Variants in CNBD1 observed in about 807,000 individuals in gnomAD.
The protein encoded by CNBD1 is cyclic nucleotide-binding domain-containing protein 1.
In CNBD1, 71 loss-of-function variants were observed where a neutral mutation model predicts 54.4. The ratio of observed to expected loss-of-function variants is 1.30; its 90% CI spans 1.08 to 1.59. CNBD1 has a LOEUF of 1.59. CNBD1 is among the 40% of genes most tolerant of loss of function. The pLI, the probability that CNBD1 is intolerant of heterozygous loss-of-function variation, is 0.00. For missense variants in CNBD1, 659 were observed against 518.0 expected (o/e 1.27, Z -2.64); for synonymous variants, 182 against 170.7 (o/e 1.07, Z -0.51).
chr8:87,347,433 C>A (rs1586034590), intron 8 of CNBD1, among the ~76,000 whole-genome samples: 2 of 152,140 alleles, frequency 1.3e-5, no homozygotes, highest in East Asian at 3.9e-4. Flanking sequence ...ATGGAGCTTG[C>A]ATCCTAATGG....
chr8:86,981,157 G>T (rs1007531179), intron 4 of CNBD1, among the ~76,000 whole-genome samples: 4 of 152,040 alleles, frequency 2.6e-5, no homozygotes, highest in Non-Finnish European at 5.9e-5. Flanking sequence ...ATTATTCTTT[G>T]TGTGTGTGTG....
chr8:87,090,773 ATAT>A (rs1234429454), intron 4 of CNBD1, among the ~76,000 whole-genome samples: 3 of 152,220 alleles, frequency 2.0e-5, no homozygotes, highest in African/African-American at 7.2e-5. Context: ...AAACATTGTA[ATAT>A]TATCACAATT....
chr8:86,925,942 C>T (rs1011222352), intron 3 of CNBD1, among the ~76,000 whole-genome samples: 5 of 152,090 alleles, frequency 3.3e-5, no homozygotes, highest in African/African-American at 1.2e-4. Flanking sequence ...AAGGACAAAG[C>T]TTCCACAGGG....
intron 2 of CNBD1, among the ~76,000 whole-genome samples, chr8:87,421,404 C>T (rs1177004426): frequency 7.4e-4 from 109 of 147,404 alleles, no homozygotes; most frequent in African/African-American, 2.5e-3. Context: ...AGGTATATCT[C>T]CCAATGCTCT....
intron 5 of CNBD1, among the ~76,000 whole-genome samples, chr8:87,234,235 G>A (rs1406489453): frequency 6.6e-6 from 1 of 152,082 alleles, no homozygotes; most frequent in Non-Finnish European, 1.5e-5. Flanking sequence ...CCAAACTCCT[G>A]TTAGTGTTGA....
intron 4 of CNBD1, among the ~76,000 whole-genome samples, chr8:87,010,731 C>T (rs926793794): frequency 2.6e-5 from 4 of 152,160 alleles, no homozygotes; most frequent in African/African-American, 7.2e-5. Flanking sequence ...GGCAACAGAG[C>T]GAAACTCTGT....
chr8:86,911,316 CCTT>C (rs1809096643), intron 3 of CNBD1, among the ~76,000 whole-genome samples: 1 of 152,148 alleles, frequency 6.6e-6, no homozygotes, highest in Non-Finnish European at 1.5e-5. Context: ...GCTGAGGACT[CCTT>C]CACCCTCACT....
At chr8:87,146,730 T>G (rs552387817) in intron 4 of CNBD1, among the ~76,000 whole-genome samples, 1 of 152,214 alleles carries the variant, frequency 6.6e-6, no homozygotes, top group East Asian at 1.9e-4. Flanking sequence ...ACAAACAATG[T>G]CTTGAATCTT....
At chr8:87,400,483 G>T (rs777673106) in intron 2 of CNBD1, among the ~76,000 whole-genome samples, 2 of 152,056 alleles carry the variant, frequency 1.3e-5, no homozygotes, top group Non-Finnish European at 1.5e-5. Context: ...TAAGGAACTT[G>T]TTAGAAAAAT....
At chr8:87,165,726 A>G (rs1392738645) in intron 4 of CNBD1, among the ~76,000 whole-genome samples, 1 of 151,958 alleles carries the variant, frequency 6.6e-6, no homozygotes, top group Non-Finnish European at 1.5e-5. Flanking sequence ...AGACTCATTC[A>G]TAACTCCTTC....
rs141753122 is a variant in CNBD1, at chr8:87,260,645, G to C, written c.771+23533G>C. On this transcript the variant is annotated intron_variant, in intron 6 of 10. Transcript: ENST00000518476. ...TCTTACCCTTTTGCCAGGATGCCAG[G>C]TTTCTGGGTTTTCTTTCCTTGAGCG... Among the ~76,000 whole-genome samples, 1,286 of 152,158 alleles carry C rather than the reference G, an allele frequency of 8.5e-3. 16 individuals are homozygous for C. Among genetic ancestry groups the C allele is most frequent in the African/African-American group, 0.03 (1,226 of 41,518 alleles).
intron 8 of CNBD1, among the ~76,000 whole-genome samples, chr8:87,321,979 G>A (rs1484274456): frequency 1.4e-5 from 2 of 144,272 alleles, no homozygotes; most frequent in African/African-American, 5.2e-5. Flanking sequence ...ACAGTCCCCA[G>A]AGTGTGATAT....
chr8:87,303,227 C>A (rs982235338), intron 8 of CNBD1, among the ~76,000 whole-genome samples: 13 of 151,308 alleles, frequency 8.6e-5, no homozygotes, highest in Non-Finnish European at 1.8e-4. Context: ...TGCTACCTGA[C>A]TTCAAACTAT....
intron 8 of CNBD1, among the ~76,000 whole-genome samples, chr8:87,339,272 T>A (rs1810014621): frequency 2.0e-5 from 3 of 152,184 alleles, no homozygotes; most frequent in Admixed American, 1.3e-4. Flanking sequence ...CTCATAAAAA[T>A]TCGAGCATCA....
intron 8 of CNBD1, among the ~76,000 whole-genome samples, chr8:87,321,510 C>A (rs1809531870): frequency 6.6e-6 from 1 of 152,092 alleles, no homozygotes; most frequent in African/African-American, 2.4e-5. Context: ...AATATCTATT[C>A]AAATCTCTTG....
At chr8:87,338,793 G>T (rs1023608181) in intron 8 of CNBD1, among the ~76,000 whole-genome samples, 6 of 152,024 alleles carry the variant, frequency 3.9e-5, no homozygotes, top group Non-Finnish European at 2.9e-5. Flanking sequence ...ATGTTAATAT[G>T]TCTTGTAATT....
At chr8:87,165,945 T>C (rs1299706005) in intron 4 of CNBD1, among the ~76,000 whole-genome samples, 2 of 151,944 alleles carry the variant, frequency 1.3e-5, no homozygotes, top group Non-Finnish European at 2.9e-5. Context: ...TCAGAGGATA[T>C]GAACTTGTGG....
chr8:87,090,073 A>G (rs1811175733), intron 4 of CNBD1, among the ~76,000 whole-genome samples: 1 of 152,108 alleles, frequency 6.6e-6, no homozygotes, highest in Non-Finnish European at 1.5e-5. Context: ...CTTTCAAAGA[A>G]TGTAATGTTT....
intron 8 of CNBD1, among the ~76,000 whole-genome samples, chr8:87,305,063 G>A (rs1809112457): frequency 6.6e-6 from 1 of 152,052 alleles, no homozygotes; most frequent in African/African-American, 2.4e-5. Context: ...ATAAGTTTCT[G>A]GGTACAAGAT....
Sources: gnomAD v4.1 joint callset for allele counts (sites outside exome capture counted in the v4.1 genomes callset) on GRCh38, gnomAD v4.1.1 for gene constraint, MANE v1.5 for transcripts, NCBI Gene and HGNC (gene_info 2026-07-23, HGNC 2026-07-21) for gene names.